The following PLEKHH2 variants were observed in gnomAD, a reference collection of about 807,000 sequenced individuals.
The protein encoded by PLEKHH2 is pleckstrin homology, MyTH4 and FERM domain containing H2.
PLEKHH2 carries 129 observed loss-of-function variants against 187.9 expected under a neutral mutation model. That is an observed-to-expected ratio of 0.69 (90% CI 0.59 to 0.79). PLEKHH2 has a LOEUF of 0.79. Among genes scored for constraint, PLEKHH2 ranks in the 30% least tolerant of loss-of-function variants. The pLI, the probability that PLEKHH2 is intolerant of heterozygous loss-of-function variation, is 0.00. For synonymous variants in PLEKHH2, 686 were observed against 605.6 expected, an observed-to-expected ratio of 1.13 and a Z score of -1.95; for missense variants, 2,076 against 1,751.2, an observed-to-expected ratio of 1.19 and a Z score of -3.31.
chr2:43,762,546 C>T (rs17031415), intron 28 of PLEKHH2, among the ~76,000 whole-genome samples, 156 bp downstream of exon 28: 2,040 of 152,206 alleles, frequency 0.013, 49 homozygotes, highest in African/African-American at 0.046. Context: ...ACAAATACAG[C>T]TATGATTATA....
chr2:43,676,204 T>C, intron 2 of PLEKHH2: 2 of 1,614,042 alleles, frequency 1.2e-6, no homozygotes, highest in Non-Finnish European at 8.5e-7. Flanking sequence ...ATGGTGCTCG[T>C]GGTCTTGAGT....
rs578033450 is a variant in PLEKHH2 at position 43,711,129 on chromosome 2, A to G, written c.2301+554A>G. 1.1e-5 allele frequency: 11 copies of G among 985,818 alleles called. No homozygotes were observed. In the African/African-American group the frequency reaches 1.9e-4, roughly 17 times the overall value. The allele number at this position is 985,818 out of a possible 1,614,324, so 61.1% of individuals were successfully genotyped here. On this transcript the variant is annotated intron_variant, in intron 14 of 29. Transcript: ENST00000282406. ...GTCTTGCCAGAAATCTGTTAAATTTAAAACACAGGCTGTTGAGATATTCTA... is the reference window on the plus strand; with the variant it reads ...GTCTTGCCAGAAATCTGTTAAATTTGAAACACAGGCTGTTGAGATATTCTA...
chr2:43,668,056 G>A (rs1421582771), intron 2 of PLEKHH2, among the ~76,000 whole-genome samples: 1 of 152,084 alleles, frequency 6.6e-6, no homozygotes, highest in African/African-American at 2.4e-5. Context: ...TTTTTGAGAT[G>A]AAGTCCGGCT....
At chr2:43,705,521 G>T (rs1346159263) in intron 9 of PLEKHH2, among the ~76,000 whole-genome samples, 1 of 151,998 alleles carries the variant, frequency 6.6e-6, no homozygotes, top group Non-Finnish European at 1.5e-5. Flanking sequence ...GCTTCTCAAG[G>T]TGCTAGGATT....
intron 25 of PLEKHH2, among the ~76,000 whole-genome samples, chr2:43,755,647 T>C (rs1672185982): frequency 6.6e-6 from 1 of 152,208 alleles, no homozygotes; most frequent in Non-Finnish European, 1.5e-5. Flanking sequence ...CTGACATAGC[T>C]TGAGAGCCAG....
intron 3 of PLEKHH2, among the ~76,000 whole-genome samples, chr2:43,685,422 C>G (rs1432280): frequency 0.37 from 56,384 of 151,766 alleles, 11,309 homozygotes; most frequent in Middle Eastern, 0.46. Context: ...TCTAGTACAT[C>G]TTTTTTTTGT....
chr2:43,754,965 C>G (rs575788271), intron 25 of PLEKHH2, among the ~76,000 whole-genome samples: 1 of 151,226 alleles, frequency 6.6e-6, no homozygotes, highest in African/African-American at 2.4e-5. Context: ...CCCCACCTCC[C>G]GGGTTCAAGC....
intron 14 of PLEKHH2, chr2:43,710,878 G>T: frequency 8.9e-7 from 1 of 1,126,654 alleles, no homozygotes; most frequent in Non-Finnish European, 1.1e-6. Context: ...TTTAAGGAAG[G>T]GTTATCTGGT....
In PLEKHH2 at chr2:43,729,738, G is replaced by T. The variant is rs1389722606; in HGVS notation, c.2823G>T (p.Gly941=). 2 of 1,592,220 alleles carry T rather than the reference G, an allele frequency of 1.3e-6. No individual in the cohort carries two copies. The highest frequency in any genetic ancestry group is 2.3e-5 in the East Asian group (1 of 44,420). The change falls in exon 18 of 30, where the codon GGG becomes GGT. Residue 941 remains glycine (G), a synonymous_variant. Coordinates refer to ENST00000282406, the MANE Select transcript of PLEKHH2 (RefSeq NM_172069.4). Reference sequence around the variant, plus strand: ...TTTGCAAATTGCTAAATATAGACGGGGAGCCTTGTAAGTTCATAAACATAT... The same window carrying T: ...TTTGCAAATTGCTAAATATAGACGGTGAGCCTTGTAAGTTCATAAACATAT... The part of the protein sequence containing the change: ...QLVCKLLNID[G]EPSSQIWRHP...
intron 2 of PLEKHH2, among the ~76,000 whole-genome samples, chr2:43,660,630 C>G (rs1463874365): frequency 8.1e-6 from 1 of 122,912 alleles, no homozygotes; most frequent in Non-Finnish European, 1.7e-5. Context: ...TCCCCCCACC[C>G]CACCACAGTC....
In PLEKHH2 at chr2:43,736,592, G is replaced by A. The variant is rs555697097; in HGVS notation, c.2944-1749G>A. ...GCTCACCCTGTAACCCCAGCACTTT[G>A]GGAGGCTGAGGTGGGTGTATCACCT... On this transcript the variant is annotated intron_variant, in intron 19 of 29. Coordinates refer to ENST00000282406, the MANE Select transcript of PLEKHH2 (RefSeq NM_172069.4). Among the ~76,000 whole-genome samples, 3 of 152,242 alleles carry A rather than the reference G, an allele frequency of 2.0e-5. No individual in the cohort carries two copies. The East Asian group carries it at 5.8e-4, about 29-fold the overall frequency.
At chr2:43,747,236 C>T (rs778821308) in intron 24 of PLEKHH2, among the ~76,000 whole-genome samples, 39 of 152,006 alleles carry the variant, frequency 2.6e-4, no homozygotes, top group Non-Finnish European at 3.8e-4. Context: ...CTTTTGGAAT[C>T]TACGGGTTAG....
Position 43,710,516 on chromosome 2 carries a change from C to T in PLEKHH2, c.2242C>T (p.His748Tyr). The change falls in exon 14 of 30, where the codon CAT (histidine) becomes TAT (tyrosine). Residue 748 changes from histidine (H) to tyrosine (Y), a missense_variant. Physicochemically the swap from His to Tyr is moderately conservative, Grantham distance 83. Coordinates refer to ENST00000282406, the MANE Select transcript of PLEKHH2 (RefSeq NM_172069.4). ...TGATGTAATTAGAAAACCCCAGGGC[C>T]ATATTGAACTTAGTGCATCCTGTAG... is the stretch of plus-strand genomic sequence containing the variant. Reference protein sequence around the residue: ...PSDVIRKPQGHIELSASCSIL... With the variant: ...PSDVIRKPQGYIELSASCSIL... 6.3e-7 allele frequency: 1 copy of T among 1,597,122 alleles called. No individual in the cohort carries two copies. The highest frequency in any genetic ancestry group is 1.2e-5 in the South Asian group (1 of 85,958).
chr2:43,726,116 C>A (rs1166350532), intron 16 of PLEKHH2, among the ~76,000 whole-genome samples, 156 bp from the exon 17 acceptor site: 2 of 98,484 alleles, frequency 2.0e-5, no homozygotes, highest in Non-Finnish European at 3.9e-5. Context: ...GGAGACCCAA[C>A]CCTGTCTCAA....
At chr2:43,754,018 T>A (rs945641616) in intron 25 of PLEKHH2, among the ~76,000 whole-genome samples, 7 of 152,112 alleles carry the variant, frequency 4.6e-5, no homozygotes, top group African/African-American at 1.7e-4. Context: ...GGCTTTGTAT[T>A]TAATAAAGGA....
chr2:43,764,714 T>G (rs6758911), intron 29 of PLEKHH2, among the ~76,000 whole-genome samples: 2,892 of 152,328 alleles, frequency 0.019, 103 homozygotes, highest in African/African-American at 0.065. Context: ...GCCTGGTACT[T>G]TATACACATT....
chr2:43,683,331 A>G (rs189919670), intron 3 of PLEKHH2, among the ~76,000 whole-genome samples: 1 of 151,250 alleles, frequency 6.6e-6, no homozygotes, highest in East Asian at 1.9e-4. Flanking sequence ...TAGAGATGGG[A>G]TTTCTCTATG....
At chr2:43,677,326 C>T (rs572855851) in intron 2 of PLEKHH2, among the ~76,000 whole-genome samples, 137 of 152,128 alleles carry the variant, frequency 9.0e-4, no homozygotes, top group South Asian at 1.2e-3. Context: ...TCTGGTTTTC[C>T]TAGGCAGAGG....
chr2:43,692,486 A>G, intron 3 of PLEKHH2, 28 bp from the exon 4 acceptor site: 3 of 1,523,140 alleles, frequency 2.0e-6, no homozygotes, highest in Non-Finnish European at 1.8e-6. Flanking sequence ...TACACACACA[A>G]TTTTAATATT....
Sources: allele counts gnomAD v4.1 joint callset (sites outside exome capture counted in the v4.1 genomes callset), GRCh38; gene constraint gnomAD v4.1.1; transcripts MANE v1.5; gene names NCBI Gene and HGNC (gene_info 2026-07-23, HGNC 2026-07-21).